The following OSBPL10 variants were observed in gnomAD, a reference collection of about 807,000 sequenced individuals.
OSBPL10 encodes the protein oxysterol-binding protein-related protein 10.
OSBPL10 carries 49 observed loss-of-function variants against 81.7 expected under a neutral mutation model. That is an observed-to-expected ratio of 0.60 (90% CI 0.48 to 0.76). The LOEUF (loss-of-function observed/expected upper bound fraction) is 0.76. OSBPL10 is among the 30% of genes least tolerant of loss of function. The probability of loss-of-function intolerance (pLI) is 0.00; values close to 1 mark genes in which losing one functional copy is unlikely to be tolerated. For synonymous variants in OSBPL10, 419 were observed against 383.6 expected, an observed-to-expected ratio of 1.09 and a Z score of -1.08; for missense variants, 923 against 987.8, an observed-to-expected ratio of 0.93 and a Z score of 0.88.
At chr3:31,744,556 A>AAAAAAAAAAG (rs1697461626) in intron 5 of OSBPL10, among the ~76,000 whole-genome samples, 4 of 150,592 alleles carry the variant, frequency 2.7e-5, no homozygotes, top group Non-Finnish European at 5.9e-5. Context: ...AAAAAAGGAA[A>AAAAAAAAAAG]GAAAGAAAGA....
rs192567251 is a variant in OSBPL10 at position 31,693,475 on chromosome 3, A to T, written c.1245+8884T>A. Among the ~76,000 whole-genome samples, 16 of 152,350 alleles carry T rather than the reference A, an allele frequency of 1.1e-4. No homozygotes were observed. In the East Asian group the frequency reaches 2.7e-3, roughly 26 times the overall value. On this transcript the variant is annotated intron_variant, in intron 7 of 11. Transcript: ENST00000396556. ...AGTAAATAACGCAGCAATGTGGTAGAATGTTATATATCCATTAAAGCGTAC... is the reference window on the plus strand; with the variant it reads ...AGTAAATAACGCAGCAATGTGGTAGTATGTTATATATCCATTAAAGCGTAC...
chr3:31,925,530 G>T (rs1697047845), intron 1 of OSBPL10, among the ~76,000 whole-genome samples: 1 of 151,676 alleles, frequency 6.6e-6, no homozygotes, highest in South Asian at 2.1e-4. Flanking sequence ...AATTATGCTG[G>T]GGCCGGGCGC....
intron 4 of OSBPL10, among the ~76,000 whole-genome samples, chr3:31,828,039 A>G (rs752788127): frequency 2.0e-5 from 3 of 152,202 alleles, no homozygotes; most frequent in Admixed American, 6.5e-5. Flanking sequence ...CCTATCATTT[A>G]TAACAGTAAG....
At chr3:32,009,446 G>A (rs9822476) in intron 2 of OSBPL10, among the ~76,000 whole-genome samples, 4,591 of 152,168 alleles carry the variant, frequency 0.03, 246 homozygotes, top group African/African-American at 0.11. Context: ...AAACTCTCAG[G>A]TGTCCTTATC....
intron 1 of OSBPL10, among the ~76,000 whole-genome samples, chr3:31,900,288 T>C (rs762684401): frequency 3.3e-5 from 5 of 152,076 alleles, no homozygotes; most frequent in Admixed American, 2.0e-4. Flanking sequence ...AGAGATCCAC[T>C]CACCTTGGCC....
chr3:31,985,284 C>T (rs1443349258), upstream of OSBPL10, among the ~76,000 whole-genome samples: 1 of 152,044 alleles, frequency 6.6e-6, no homozygotes, highest in Non-Finnish European at 1.5e-5. Context: ...CACAAATGCT[C>T]AATATAAGGA....
chr3:32,059,432 CA>C (rs551278298), intron 1 of OSBPL10, among the ~76,000 whole-genome samples: 4 of 149,638 alleles, frequency 2.7e-5, no homozygotes, highest in Non-Finnish European at 3.0e-5. Context: ...ACTAAAAATA[CA>C]AAAAAAAATT....
chr3:31,671,126 AC>A, intron 8 of OSBPL10, 143 bp from the exon 9 acceptor site: 2 of 781,164 alleles, frequency 2.6e-6, no homozygotes, highest in Non-Finnish European at 4.0e-6. Context: ...CTGCTCGTTC[AC>A]TGTGGGCTCT....
At chr3:31,707,831 G>A (rs1392219156) in intron 6 of OSBPL10, among the ~76,000 whole-genome samples, 3 of 152,194 alleles carry the variant, frequency 2.0e-5, no homozygotes, top group Non-Finnish European at 4.4e-5. Flanking sequence ...CAGGGCAAGT[G>A]TACTTATGTT....
chr3:31,848,002 G>A (rs907152168), intron 3 of OSBPL10, among the ~76,000 whole-genome samples: 10 of 152,078 alleles, frequency 6.6e-5, no homozygotes, highest in African/African-American at 1.7e-4. Flanking sequence ...TCCTGCCTCC[G>A]AGGCTCCTGC....
At chr3:31,791,529 G>GTAGTTCAC (rs1277564342) in intron 4 of OSBPL10, among the ~76,000 whole-genome samples, 2 of 152,104 alleles carry the variant, frequency 1.3e-5, no homozygotes, top group Non-Finnish European at 2.9e-5. Flanking sequence ...TGCCCCAGAG[G>GTAGTTCAC]TAGTTCACTA....
At chr3:31,699,542 G>A (rs1695830651) in intron 7 of OSBPL10, among the ~76,000 whole-genome samples, 1 of 152,236 alleles carries the variant, frequency 6.6e-6, no homozygotes. Context: ...GGCAGGACCA[G>A]CTACATGCTG....
intron 4 of OSBPL10, among the ~76,000 whole-genome samples, chr3:31,774,019 G>T (rs576012266): frequency 6.6e-6 from 1 of 151,902 alleles, no homozygotes; most frequent in Non-Finnish European, 1.5e-5. Flanking sequence ...AAGATTAGCC[G>T]GGCGTGGTGG....
intron 4 of OSBPL10, among the ~76,000 whole-genome samples, chr3:31,798,628 C>T (rs1037729711): frequency 6.6e-6 from 1 of 152,038 alleles, no homozygotes; most frequent in South Asian, 2.1e-4. Context: ...TTTTTAATTA[C>T]ATATGTGGCT....
intron 2 of OSBPL10, among the ~76,000 whole-genome samples, chr3:32,001,642 T>G (rs1487904903): frequency 6.6e-6 from 1 of 152,212 alleles, no homozygotes; most frequent in South Asian, 2.1e-4. Flanking sequence ...GAGCAGGAAC[T>G]GTTACCATCA....
chr3:32,013,421 A>G lies in OSBPL10; in HGVS notation n.298+33070T>C, dbSNP rs1699279908. Among the ~76,000 whole-genome samples, 3 of 152,342 alleles carry G rather than the reference A, an allele frequency of 2.0e-5. No individual in the cohort carries two copies. The South Asian group carries it at 6.2e-4, about 32-fold the overall frequency. On this transcript the variant is annotated intron_variant and non_coding_transcript_variant, in intron 2 of 3. Coordinates refer to the OSBPL10 transcript ENST00000479173. The stretch of plus-strand genomic sequence containing the variant: ...CGAGAACAAAGACACAACATACCAG[A>G]ATCTCTGGGACACATTTAAAGCAGT...
At chr3:31,910,635 C>CA (rs1251749635) in intron 1 of OSBPL10, among the ~76,000 whole-genome samples, 80 of 144,240 alleles carry the variant, frequency 5.5e-4, no homozygotes, top group East Asian at 2.0e-3. Flanking sequence ...GACTCTAGCT[C>CA]AAAAAAAAAA....
chr3:31,996,212 C>G (rs1699089082), intron 2 of OSBPL10, among the ~76,000 whole-genome samples: 2 of 152,162 alleles, frequency 1.3e-5, no homozygotes, highest in African/African-American at 2.4e-5. Flanking sequence ...ACAAAATATT[C>G]TAGAGACATA....
At chr3:31,746,939 C>A (rs181998778) in intron 5 of OSBPL10, among the ~76,000 whole-genome samples, 19 of 152,002 alleles carry the variant, frequency 1.2e-4, no homozygotes, top group Admixed American at 3.9e-4. Flanking sequence ...CAAACCTGCA[C>A]GTTGTGCACA....
Sources: gnomAD v4.1 joint callset for allele counts (sites outside exome capture counted in the v4.1 genomes callset) on GRCh38, gnomAD v4.1.1 for gene constraint, MANE v1.5 for transcripts, NCBI Gene and HGNC (gene_info 2026-07-23, HGNC 2026-07-21) for gene names.